LSAMP: variants seen among roughly 807,000 people sequenced by gnomAD.
LSAMP encodes the protein limbic system-associated membrane protein.
LSAMP carries 7 observed loss-of-function variants against 38.6 expected under a neutral mutation model. The ratio of observed to expected loss-of-function variants is 0.18; its 90% confidence interval spans 0.10 to 0.34. The LOEUF (loss-of-function observed/expected upper bound fraction) is 0.34. LSAMP is among the 10% of genes least tolerant of loss of function. The probability of loss-of-function intolerance (pLI) is 1.00; values close to 1 mark genes in which losing one functional copy is unlikely to be tolerated. For missense variants in LSAMP, 313 were observed against 420.0 expected (o/e 0.75, Z 2.23); for synonymous variants, 154 against 166.8 (o/e 0.92, Z 0.59).
intron 6 of LSAMP, among the ~76,000 whole-genome samples, chr3:115,836,056 C>T (rs948104231): frequency 1.3e-5 from 2 of 152,106 alleles, no homozygotes; most frequent in Non-Finnish European, 2.9e-5. Flanking sequence ...GTTTAAATGA[C>T]TCAGCTTAAT....
intron 1 of LSAMP, among the ~76,000 whole-genome samples, chr3:116,188,440 C>T (rs1576420227): frequency 1.3e-5 from 2 of 152,144 alleles, no homozygotes; most frequent in South Asian, 4.1e-4. Context: ...ATCTGTGAAG[C>T]CTCAGGGCTT....
chr3:115,997,864 A>C (rs1939869327), intron 3 of LSAMP, among the ~76,000 whole-genome samples: 1 of 145,532 alleles, frequency 6.9e-6, no homozygotes, highest in Non-Finnish European at 1.5e-5. Flanking sequence ...TTTATATATT[A>C]GAATATACAA....
intron 3 of LSAMP, among the ~76,000 whole-genome samples, chr3:115,876,639 A>G (rs1426735326): frequency 6.6e-6 from 1 of 152,018 alleles, no homozygotes; most frequent in Non-Finnish European, 1.5e-5. Flanking sequence ...TGTCATCATG[A>G]TTTTACTCTT....
intron 1 of LSAMP, among the ~76,000 whole-genome samples, chr3:116,139,864 CAG>C (rs1709333170): frequency 6.6e-6 from 1 of 151,964 alleles, no homozygotes; most frequent in African/African-American, 2.4e-5. Flanking sequence ...TCCCTGTAGA[CAG>C]AGTTTTCTAT....
At chr3:116,421,898 C>T (rs2049133528) in intron 1 of LSAMP, among the ~76,000 whole-genome samples, 1 of 152,064 alleles carries the variant, frequency 6.6e-6, no homozygotes, top group African/African-American at 2.4e-5. Context: ...AAAAGATTTA[C>T]CATATAATCC....
intron 2 of LSAMP, among the ~76,000 whole-genome samples, chr3:116,059,931 G>T (rs1362022074): frequency 1.3e-5 from 2 of 152,146 alleles, no homozygotes; most frequent in African/African-American, 2.4e-5. Flanking sequence ...CCACCACTTG[G>T]AGTTCTCCCT....
intron 1 of LSAMP, among the ~76,000 whole-genome samples, chr3:116,332,337 C>T (rs1332063580): frequency 6.6e-6 from 1 of 152,034 alleles, no homozygotes; most frequent in African/African-American, 2.4e-5. Flanking sequence ...AATTGTTTGA[C>T]ATCAACAACT....
intron 3 of LSAMP, among the ~76,000 whole-genome samples, chr3:115,906,420 G>T (rs1247179093): frequency 6.6e-6 from 1 of 152,086 alleles, no homozygotes; most frequent in East Asian, 1.9e-4. Context: ...GATATTGTCT[G>T]GGTGTAGGTA....
Position 116,314,498 on chromosome 3 carries a change from T to C in LSAMP, c.155+130379A>G, listed in dbSNP as rs539211641. On this transcript the variant is annotated intron_variant, in intron 1 of 6. Coordinates refer to ENST00000490035, the MANE Select transcript of LSAMP (RefSeq NM_002338.5). ...GTTAAAAAGAAAATGGCGTGAGATC[T>C]CACAGGAGAATTTACTTAGCATCCC... Among the ~76,000 whole-genome samples, 266 of 152,248 alleles carry C rather than the reference T, an allele frequency of 1.7e-3. 1 individual carries two copies. The highest frequency in any genetic ancestry group is 5.4e-3 in the African/African-American group (225 of 41,548).
At chr3:115,830,515 G>T (rs1934573701) in intron 6 of LSAMP, among the ~76,000 whole-genome samples, 1 of 152,152 alleles carries the variant, frequency 6.6e-6, no homozygotes, top group Non-Finnish European at 1.5e-5. Context: ...TGGGAGAAAG[G>T]TGCACGTTTC....
rs117376900 is a variant in LSAMP at position 116,353,415 on chromosome 3, C to T, written c.155+91462G>A. On this transcript the variant is annotated intron_variant, in intron 1 of 6. Transcript: ENST00000490035. ...TAATTTAGAACTTTATTATAAACTG[C>T]CTTGGTATTGTTATTTAATTACTTC... Among the ~76,000 whole-genome samples the T allele has an allele frequency of 6.8e-4, 103 of 151,998 alleles. No homozygotes were observed. In the East Asian group the frequency reaches 0.019, roughly 28 times the overall value.
intron 3 of LSAMP, among the ~76,000 whole-genome samples, chr3:115,934,784 G>A (rs1322745013): frequency 6.6e-6 from 1 of 152,084 alleles, no homozygotes; most frequent in Non-Finnish European, 1.5e-5. Flanking sequence ...TGACTTTTCT[G>A]GGCCTCTGTG....
intron 3 of LSAMP, among the ~76,000 whole-genome samples, chr3:115,866,624 T>C (rs144322547): frequency 6.6e-4 from 100 of 152,110 alleles, no homozygotes; most frequent in Middle Eastern, 3.4e-3. Context: ...AGATGAGAAA[T>C]GTAAAGTTTC....
At chr3:115,839,258 TTTCTTTCC>T (rs1299794336) in intron 6 of LSAMP, among the ~76,000 whole-genome samples, 8,801 of 104,588 alleles carry the variant, frequency 0.084, 397 homozygotes, top group East Asian at 0.17. Flanking sequence ...TCCTTCCTTC[TTTCTTTCC>T]TTCCTTCCTT....
intron 3 of LSAMP, among the ~76,000 whole-genome samples, chr3:115,987,446 T>C (rs1456260750): frequency 6.6e-6 from 1 of 152,200 alleles, no homozygotes; most frequent in Non-Finnish European, 1.5e-5. Flanking sequence ...ACACTTTTAT[T>C]GTTTTAAACA....
intron 2 of LSAMP, among the ~76,000 whole-genome samples, chr3:116,038,545 T>C (rs911651402): frequency 6.6e-6 from 1 of 152,198 alleles, no homozygotes. Flanking sequence ...TCTTGAACCG[T>C]GGAATGCCTT....
intron 1 of LSAMP, among the ~76,000 whole-genome samples, chr3:116,285,847 C>G (rs773133471): frequency 6.6e-6 from 1 of 152,134 alleles, no homozygotes; most frequent in Non-Finnish European, 1.5e-5. Context: ...AGGGAAAAGG[C>G]CTGTGCATTT....
rs1262247237 is a variant in LSAMP, at chr3:115,915,838, G to T, written c.515-63221C>A. 3.3e-5 allele frequency among the ~76,000 whole-genome samples: 5 copies of T among 151,914 alleles called. No homozygotes were observed. The East Asian group carries it at 9.7e-4, about 29-fold the overall frequency. ...AGTAGAGACAGCATTTCACCATGTT[G>T]GCCAGGATGGTCTCAATCTCTTGAC... is the stretch of plus-strand genomic sequence containing the variant. On this transcript the variant is annotated intron_variant, in intron 3 of 6. Transcript: ENST00000490035.
At chr3:116,341,906 G>A (rs991270387) in intron 1 of LSAMP, among the ~76,000 whole-genome samples, 26 of 152,036 alleles carry the variant, frequency 1.7e-4, no homozygotes, top group African/African-American at 6.3e-4. Flanking sequence ...GGTTAAAGGA[G>A]CTGAACATGT....
Sources: gnomAD v4.1 joint callset for allele counts (sites outside exome capture counted in the v4.1 genomes callset) on GRCh38, gnomAD v4.1.1 for gene constraint, MANE v1.5 for transcripts, NCBI Gene and HGNC (gene_info 2026-07-23, HGNC 2026-07-21) for gene names.